Variants in MAGI2 observed in about 807,000 individuals in gnomAD.
MAGI2 encodes the protein membrane associated guanylate kinase, WW and PDZ domain containing 2, also known as membrane-associated guanylate kinase, WW and PDZ domain-containing protein 2.
MAGI2 carries 35 observed loss-of-function variants against 133.3 expected under a neutral mutation model. The ratio of observed to expected loss-of-function variants is 0.26; its 90% CI spans 0.20 to 0.35. The LOEUF (loss-of-function observed/expected upper bound fraction) is 0.35, where lower values mean the gene tolerates loss of function less well. MAGI2 is among the 10% of genes least tolerant of loss of function. The pLI, the probability that MAGI2 is intolerant of heterozygous loss-of-function variation, is 1.00. For synonymous variants in MAGI2, 729 were observed against 710.6 expected (o/e 1.03, Z -0.41); for missense variants, 1,636 against 1,863.4 (o/e 0.88, Z 2.25).
At chr7:78,077,686 C>T (rs773463862) in intron 21 of MAGI2, among the ~76,000 whole-genome samples, 2 of 134,906 alleles carry the variant, frequency 1.5e-5, no homozygotes, top group Non-Finnish European at 3.1e-5. Flanking sequence ...ACAATGTATG[C>T]AAAAAGAATA....
At position 78,898,979 on chromosome 7, in the gene MAGI2, G is replaced by C. The variant is rs190597894; in HGVS notation, c.418+108111C>G. Among the ~76,000 whole-genome samples the C allele has an allele frequency of 1.4e-4, 22 of 152,148 alleles. No individual in the cohort carries two copies. In the South Asian group the frequency reaches 1.7e-3, roughly 11 times the overall value. ...AACTCCTCATTCAATGATGTTGGTT[G>C]AATTTGGCCATGTAGAAGTATTTGC... On this transcript the variant is annotated intron_variant, in intron 2 of 21. Transcript: ENST00000354212.
chr7:79,087,184 T>TA (rs1336907181), intron 1 of MAGI2, among the ~76,000 whole-genome samples: 1 of 151,858 alleles, frequency 6.6e-6, no homozygotes, highest in African/African-American at 2.4e-5. Context: ...AGCAGTTCAA[T>TA]AAAAAATCTA....
At chr7:78,064,907 A>C (rs1351247593) in intron 21 of MAGI2, among the ~76,000 whole-genome samples, 8 of 152,198 alleles carry the variant, frequency 5.3e-5, no homozygotes, top group Non-Finnish European at 7.3e-5. Flanking sequence ...CCAAGGCTAA[A>C]ATATAGCCAA....
At chr7:79,170,333 T>C (rs1825405998) in intron 1 of MAGI2, among the ~76,000 whole-genome samples, 1 of 151,414 alleles carries the variant, frequency 6.6e-6, no homozygotes, top group African/African-American at 2.4e-5. Context: ...CCACCATTCC[T>C]GGCTAATGTT....
At chr7:78,079,132 A>T (rs1395113457) in intron 20 of MAGI2, 47 bp from the exon 21 acceptor site, 4 of 1,576,160 alleles carry the variant, frequency 2.5e-6, no homozygotes, top group Non-Finnish European at 3.5e-6. Flanking sequence ...GTTTTACTCA[A>T]GTTGCATTGT....
chr7:79,196,889 T>C (rs1010502824), intron 1 of MAGI2, among the ~76,000 whole-genome samples: 1 of 151,850 alleles, frequency 6.6e-6, no homozygotes, highest in Admixed American at 6.6e-5. Context: ...CACCCCAGCC[T>C]CCCAAGTAGC....
intron 16 of MAGI2, among the ~76,000 whole-genome samples, chr7:78,140,902 T>C (rs927476835): frequency 4.6e-5 from 7 of 152,072 alleles, no homozygotes; most frequent in Admixed American, 4.6e-4. Flanking sequence ...TTTATAAAAA[T>C]ACATAAAGCA....
At chr7:78,920,937 C>A (rs557249990) in intron 2 of MAGI2, among the ~76,000 whole-genome samples, 1 of 152,284 alleles carries the variant, frequency 6.6e-6, no homozygotes, top group African/African-American at 2.4e-5. Context: ...TACTGTCACA[C>A]AACTTCTCCT....
intron 1 of MAGI2, among the ~76,000 whole-genome samples, chr7:79,266,962 G>T (rs1371462381): frequency 6.6e-6 from 1 of 152,062 alleles, no homozygotes. Context: ...CAGATAAGGG[G>T]GAATGATACA....
chr7:78,644,945 G>T (rs952429618), intron 2 of MAGI2, among the ~76,000 whole-genome samples: 2 of 152,140 alleles, frequency 1.3e-5, no homozygotes, highest in Non-Finnish European at 2.9e-5. Flanking sequence ...TTCATTACAA[G>T]TTTGATGGAT....
intron 1 of MAGI2, among the ~76,000 whole-genome samples, chr7:79,297,923 C>T (rs1837072405): frequency 6.6e-6 from 1 of 152,176 alleles, no homozygotes; most frequent in African/African-American, 2.4e-5. Flanking sequence ...CTGCTACATT[C>T]CTAGTCAAAA....
chr7:78,470,609 C>A (rs1026619161), intron 6 of MAGI2, among the ~76,000 whole-genome samples: 1 of 151,902 alleles, frequency 6.6e-6, no homozygotes, highest in Non-Finnish European at 1.5e-5. Context: ...ATGCAGTGAT[C>A]AAAAAACAAC....
At chr7:78,891,856 A>G (rs559020868) in intron 2 of MAGI2, among the ~76,000 whole-genome samples, 1 of 152,332 alleles carries the variant, frequency 6.6e-6, no homozygotes, top group East Asian at 1.9e-4. Context: ...CTTATTCAAC[A>G]TAGTGTTGGA....
At chr7:78,639,872 C>G (rs982552932) in intron 2 of MAGI2, among the ~76,000 whole-genome samples, 2 of 152,004 alleles carry the variant, frequency 1.3e-5, no homozygotes, top group African/African-American at 4.8e-5. Context: ...GTGACTTGTT[C>G]AAATCAAATA....
chr7:78,517,205 TAAACATCGG>T (rs1796115826), intron 4 of MAGI2, among the ~76,000 whole-genome samples: 2 of 152,052 alleles, frequency 1.3e-5, no homozygotes, highest in Non-Finnish European at 2.9e-5. Context: ...ATATAAATTT[TAAACATCGG>T]TTCAAAAACA....
chr7:78,927,027 A>G (rs1799750606), intron 2 of MAGI2, among the ~76,000 whole-genome samples: 1 of 152,044 alleles, frequency 6.6e-6, no homozygotes, highest in Non-Finnish European at 1.5e-5. Context: ...AGTGGTTTAC[A>G]GGAAAAAGGT....
intron 3 of MAGI2, among the ~76,000 whole-genome samples, chr7:78,565,295 CA>C (rs1316996603): frequency 6.6e-6 from 1 of 151,258 alleles, no homozygotes; most frequent in Non-Finnish European, 1.5e-5. Context: ...GACCCTGTGT[CA>C]AAAAAAATTT....
chr7:78,389,646 C>T (rs943081699), intron 6 of MAGI2, among the ~76,000 whole-genome samples: 1 of 152,154 alleles, frequency 6.6e-6, no homozygotes, highest in African/African-American at 2.4e-5. Context: ...ATTTTATGCT[C>T]TTTAATAATT....
At chr7:78,788,619 G>A (rs37855) in intron 2 of MAGI2, among the ~76,000 whole-genome samples, 56,603 of 150,700 alleles carry the variant, frequency 0.38, 10,750 homozygotes, top group East Asian at 0.53. Flanking sequence ...TTAGTTTAAC[G>A]TATATGACTC....
Sources: allele counts gnomAD v4.1 joint callset (sites outside exome capture counted in the v4.1 genomes callset), GRCh38; gene constraint gnomAD v4.1.1; transcripts MANE v1.5; gene names NCBI Gene and HGNC (gene_info 2026-07-23, HGNC 2026-07-21).